WASHC5: variants seen among roughly 807,000 people sequenced by gnomAD.
WASHC5 encodes WASH complex subunit 5, also known as WASH complex subunit strumpellin.
In WASHC5, 101 loss-of-function variants were observed where a neutral mutation model predicts 150.4. The ratio of observed to expected loss-of-function variants is 0.67; its 90% CI spans 0.57 to 0.79. WASHC5 has a LOEUF of 0.79. Ranked by LOEUF, WASHC5 falls within the 30% of genes least tolerant of loss-of-function variation. WASHC5 has a pLI of 0.00. For synonymous variants in WASHC5, 467 were observed against 491.2 expected, an observed-to-expected ratio of 0.95 and a Z score of 0.65; for missense variants, 1,195 against 1,396.3, an observed-to-expected ratio of 0.86 and a Z score of 2.30.
At chr8:125,052,609 T>TACAC (rs34684600) in intron 17 of WASHC5, among the ~76,000 whole-genome samples, 4,003 of 141,780 alleles carry the variant, frequency 0.028, 77 homozygotes, top group South Asian at 0.042. Context: ...TCACACACAC[T>TACAC]ACACACACAC....
chr8:125,040,531 T>C (rs1303764563), intron 23 of WASHC5, among the ~76,000 whole-genome samples: 1 of 152,188 alleles, frequency 6.6e-6, no homozygotes, highest in Non-Finnish European at 1.5e-5. Context: ...TCATCTTGAA[T>C]TGTAGTTCCC....
At chr8:125,066,316 T>A (rs1202329309) in intron 10 of WASHC5, among the ~76,000 whole-genome samples, 1 of 152,198 alleles carries the variant, frequency 6.6e-6, no homozygotes, top group Non-Finnish European at 1.5e-5. Context: ...GAATATAGTA[T>A]CCTCAGAAAC....
intron 18 of WASHC5, among the ~76,000 whole-genome samples, chr8:125,049,470 C>A (rs10103150): frequency 6.6e-6 from 1 of 150,922 alleles, no homozygotes; most frequent in South Asian, 2.1e-4. Context: ...AGGCAGGGAA[C>A]TGCTTGAACC....
chr8:125,044,782 A>G, intron 20 of WASHC5, 84 bp from the exon 21 acceptor site: 1 of 1,326,966 alleles, frequency 7.5e-7, no homozygotes, highest in South Asian at 1.2e-5. Flanking sequence ...GACATGCGGC[A>G]CCAAATATGA....
chr8:125,049,517 A>G (rs562027591), intron 18 of WASHC5, among the ~76,000 whole-genome samples: 3 of 152,212 alleles, frequency 2.0e-5, no homozygotes, highest in African/African-American at 7.2e-5. Context: ...AGATTGTGCC[A>G]CTGCACTCCA....
At chr8:125,074,508 A>G (rs765737073) in intron 8 of WASHC5, among the ~76,000 whole-genome samples, 1 of 152,152 alleles carries the variant, frequency 6.6e-6, no homozygotes, top group Non-Finnish European at 1.5e-5. Flanking sequence ...TGTAAGAACA[A>G]AAGAGATAGA....
chr8:125,088,875 A>T (rs1231807448), intron 1 of WASHC5, among the ~76,000 whole-genome samples: 1 of 152,104 alleles, frequency 6.6e-6, no homozygotes, highest in African/African-American at 2.4e-5. Flanking sequence ...AGAGGTTACA[A>T]GTAAGTGCAA....
chr8:125,044,455 G>T (rs755944813), intron 21 of WASHC5, 81 bp downstream of exon 21: 3 of 1,443,498 alleles, frequency 2.1e-6, no homozygotes, highest in Non-Finnish European at 2.9e-6. Context: ...AAGGTTAAGT[G>T]AGTTCAAACT....
chr8:125,053,391 AT>A (rs1417315412), intron 17 of WASHC5, among the ~76,000 whole-genome samples: 1 of 152,136 alleles, frequency 6.6e-6, no homozygotes, highest in Non-Finnish European at 1.5e-5. Flanking sequence ...AAAGATCAGT[AT>A]TTTACCAAGC....
rs1817138108 is a variant in WASHC5 at position 125,078,781 on chromosome 8, C to T, written c.668G>A (p.Ser223Asn). The T allele has an allele frequency of 2.5e-6, 4 of 1,613,912 alleles. No homozygotes were observed. The highest frequency in any genetic ancestry group is 3.4e-6 in the Non-Finnish European group (4 of 1,179,952). Residue 223 changes from serine (S) to asparagine (N), a missense_variant, in exon 6 of 29, where the codon AGT becomes AAT. By Grantham distance (46) the Ser-to-Asn change is conservative. Around this residue, in one of 3 missense-constraint regions of WASHC5, gnomAD observed 997 missense variants for 1,168.1 expected, o/e 0.85. Coordinates refer to ENST00000318410, the MANE Select transcript of WASHC5 (RefSeq NM_014846.4). ...AGATCTCAGTCGACCAATGACCATACTGATGAAGGATTCGTTGATAGGCAC... is the reference window on the plus strand; with the variant it reads ...AGATCTCAGTCGACCAATGACCATATTGATGAAGGATTCGTTGATAGGCAC... Reference protein sequence around the residue: ...QRVPINESFISMVIGRLRSDD... With the variant: ...QRVPINESFINMVIGRLRSDD...
At chr8:125,033,693 C>T (rs1815610275) in intron 26 of WASHC5, among the ~76,000 whole-genome samples, 1 of 152,146 alleles carries the variant, frequency 6.6e-6, no homozygotes, top group East Asian at 1.9e-4. Context: ...GGATTACAGG[C>T]GTGTGCCACC....
At chr8:125,047,112 C>T in intron 20 of WASHC5, 95 bp downstream of exon 20, 2 of 1,456,364 alleles carry the variant, frequency 1.4e-6, no homozygotes, top group Non-Finnish European at 1.9e-6. Context: ...AGTGCAGGAC[C>T]CCCGTGACTG....
In WASHC5 at chr8:125,037,233, G is replaced by A. The variant is rs372154199; in HGVS notation, c.3181+4C>T. The A allele has an allele frequency of 1.3e-4, 199 of 1,536,542 alleles. No individual in the cohort carries two copies. In the African/African-American group the frequency reaches 2.1e-3, roughly 17 times the overall value. On this transcript the variant is annotated splice_donor_region_variant and intron_variant, in intron 26 of 28. Coordinates refer to ENST00000318410, the MANE Select transcript of WASHC5 (RefSeq NM_014846.4). ...TCATTGCAAATAATAAATGTTATAC[G>A]TACCCAGATTTTTGTTGTATTGAAG... is the stretch of plus-strand genomic sequence containing the variant.
chr8:125,059,122 C>T (rs555280051), intron 14 of WASHC5, 100 bp downstream of exon 14: 6 of 853,424 alleles, frequency 7.0e-6, no homozygotes, highest in South Asian at 5.8e-5. Flanking sequence ...AATTATTTAC[C>T]TTCCTAAAAG....
intron 9 of WASHC5, among the ~76,000 whole-genome samples, chr8:125,070,572 G>A (rs575677457): frequency 5.9e-5 from 9 of 152,350 alleles, no homozygotes; most frequent in Middle Eastern, 3.4e-3. Context: ...ACAGGATAAA[G>A]TGAGGGCTTG....
chr8:125,032,509 A>G (rs1468912705), intron 26 of WASHC5, 115 bp from the exon 27 acceptor site: 1 of 1,192,938 alleles, frequency 8.4e-7, no homozygotes, highest in Non-Finnish European at 1.2e-6. Context: ...CTGGCAGATG[A>G]TATTTTGGAG....
chr8:125,030,503 C>T (rs955759522), intron 27 of WASHC5, among the ~76,000 whole-genome samples: 4 of 151,950 alleles, frequency 2.6e-5, no homozygotes, highest in Admixed American at 6.6e-5. Context: ...CGGGAAATAA[C>T]GACATTGGGG....
At chr8:125,086,154 G>C (rs542139721) in intron 1 of WASHC5, among the ~76,000 whole-genome samples, 2 of 152,080 alleles carry the variant, frequency 1.3e-5, no homozygotes, top group Admixed American at 1.3e-4. Context: ...ACCACAGAGA[G>C]GGTGACTTAA....
intron 11 of WASHC5, among the ~76,000 whole-genome samples, chr8:125,062,921 T>A (rs535969666): frequency 1.4e-4 from 22 of 152,310 alleles, no homozygotes; most frequent in Middle Eastern, 3.4e-3. Flanking sequence ...AACTTTCCTA[T>A]AAATAAAATT....
Sources: allele counts gnomAD v4.1 joint callset (sites outside exome capture counted in the v4.1 genomes callset), GRCh38; gene constraint gnomAD v4.1.1; regional missense constraint gnomAD v4.1.1; transcripts MANE v1.5; gene names NCBI Gene and HGNC (gene_info 2026-07-23, HGNC 2026-07-21).